EFCAB14: variants seen among roughly 807,000 people sequenced by gnomAD.
The protein encoded by EFCAB14 is EF-hand calcium binding domain 14, also known as EF-hand calcium-binding domain-containing protein 14.
A neutral mutation model predicts 56.5 loss-of-function variants in EFCAB14; 43 were observed. The ratio of observed to expected loss-of-function variants is 0.76; its 90% CI spans 0.60 to 0.98. The LOEUF (loss-of-function observed/expected upper bound fraction) is 0.98, where lower values mean the gene tolerates loss of function less well. EFCAB14 is among the 50% of genes least tolerant of loss of function. EFCAB14 has a pLI of 0.00. For missense variants in EFCAB14, 538 were observed against 580.3 expected (o/e 0.93, Z 0.75); for synonymous variants, 235 against 212.9 (o/e 1.10, Z -0.90).
chr1:46,708,768 GTATGA>G (rs1351437828), intron 2 of EFCAB14, among the ~76,000 whole-genome samples: 1 of 152,186 alleles, frequency 6.6e-6, no homozygotes, highest in Non-Finnish European at 1.5e-5. Context: ...GTGAAGTATA[GTATGA>G]TATTTGGCCT....
At chr1:46,711,093 A>C (rs1022331472) in intron 2 of EFCAB14, among the ~76,000 whole-genome samples, 9 of 152,218 alleles carry the variant, frequency 5.9e-5, no homozygotes, top group Non-Finnish European at 1.3e-4. Context: ...TAATGCTATA[A>C]TAAACATGGG....
Position 46,716,429 on chromosome 1 carries a change from C to G in EFCAB14, c.200G>C (p.Arg67Pro). The G allele has an allele frequency of 1.2e-6, 2 of 1,613,972 alleles. No individual in the cohort carries two copies. Among genetic ancestry groups the G allele is most frequent in the Non-Finnish European group, 1.7e-6 (2 of 1,179,984 alleles). The change falls in exon 2 of 11, where the codon CGA becomes CCA. Residue 67 changes from arginine (R) to proline (P), a missense_variant. By Grantham distance (103) the Arg-to-Pro change is moderately radical. Coordinates refer to ENST00000371933, the MANE Select transcript of EFCAB14 (RefSeq NM_014774.3). Reference sequence around the variant, plus strand: ...GAGCGGATAACAGATCTTGCAGCATCGTAAATAGTCTCCCCTGCTCAAGAG... The same window carrying G: ...GAGCGGATAACAGATCTTGCAGCATGGTAAATAGTCTCCCCTGCTCAAGAG... ...RSRFAKGDYL[R>P]CCKICYPLCG...
Position 46,675,739 on chromosome 1 carries a change from C to T in EFCAB14, c.*2722G>A, listed in dbSNP as rs2148834141. 6.6e-6 allele frequency: 1 copy of T among 152,290 alleles called. No individual in the cohort carries two copies. The highest frequency in any genetic ancestry group is 2.1e-4 in the South Asian group (1 of 4,828). The allele number at this position is 152,290 out of a possible 1,614,324, so 9.4% of individuals were successfully genotyped here. ...GGCACCTCTGCCTTTTAGATGACAC[C>T]ACAGTCATCTAGAAGTCAGGTTTTC... On this transcript the variant is annotated 3_prime_UTR_variant, in exon 11 of 11. Transcript: ENST00000371933.
intron 2 of EFCAB14, 69 bp from the exon 3 acceptor site, chr1:46,708,120 C>A: frequency 7.1e-7 from 1 of 1,413,658 alleles, no homozygotes; most frequent in Non-Finnish European, 9.5e-7. Flanking sequence ...ATGAAAAAAT[C>A]ATCAAACAGT....
intron 2 of EFCAB14, among the ~76,000 whole-genome samples, chr1:46,714,709 G>C (rs547727073): frequency 3.0e-4 from 45 of 151,770 alleles, no homozygotes; most frequent in Non-Finnish European, 5.2e-4. Context: ...TGCTGACACG[G>C]GAAGACTGCT....
At chr1:46,685,908 T>C (rs1361604178) in intron 8 of EFCAB14, among the ~76,000 whole-genome samples, 1 of 152,220 alleles carries the variant, frequency 6.6e-6, no homozygotes, top group African/African-American at 2.4e-5. Flanking sequence ...CCTTAATATA[T>C]TGTGACTTTA....
At chr1:46,694,918 G>A (rs1677056379) in intron 4 of EFCAB14, among the ~76,000 whole-genome samples, 1 of 152,152 alleles carries the variant, frequency 6.6e-6, no homozygotes, top group African/African-American at 2.4e-5. Context: ...ATGAGTTCAT[G>A]TTCTTTGTAG....
chr1:46,688,281 A>C, intron 7 of EFCAB14, 72 bp downstream of exon 7: 1 of 1,454,252 alleles, frequency 6.9e-7, no homozygotes, highest in South Asian at 1.3e-5. Context: ...GGCTGTTCTC[A>C]AAAGGTGGTA....
In EFCAB14 at chr1:46,688,338, T is replaced by A. The variant is rs772640822; in HGVS notation, c.987+15A>T. On this transcript the variant is annotated intron_variant, in intron 7 of 10. Coordinates refer to ENST00000371933, the MANE Select transcript of EFCAB14 (RefSeq NM_014774.3). Reference sequence around the variant, plus strand: ...AAAACACACTGCATGTCACAAAAGATCAGAAAAGGCTTACCATGCTGAAGG... The same window carrying A: ...AAAACACACTGCATGTCACAAAAGAACAGAAAAGGCTTACCATGCTGAAGG... 1 of 1,610,508 alleles carries A rather than the reference T, an allele frequency of 6.2e-7. No homozygotes were observed. Among genetic ancestry groups the A allele is most frequent in the Non-Finnish European group, 8.5e-7 (1 of 1,177,694 alleles).
chr1:46,700,916 G>A (rs1247013801), intron 3 of EFCAB14, among the ~76,000 whole-genome samples: 5 of 151,804 alleles, frequency 3.3e-5, no homozygotes, highest in Non-Finnish European at 7.4e-5. Flanking sequence ...AGAACTAGGA[G>A]GATGAAGCCC....
chr1:46,679,769 C>T (rs1676762525), intron 10 of EFCAB14, among the ~76,000 whole-genome samples: 2 of 151,720 alleles, frequency 1.3e-5, no homozygotes, highest in African/African-American at 4.8e-5. Context: ...TATCACCAGG[C>T]CTGGCTAATT....
intron 4 of EFCAB14, among the ~76,000 whole-genome samples, chr1:46,696,042 C>T (rs945092182): frequency 4.0e-5 from 6 of 151,796 alleles, no homozygotes; most frequent in South Asian, 2.1e-4. Flanking sequence ...AAATTTCCTT[C>T]GTTCCACATA....
In EFCAB14 at chr1:46,688,488, G is replaced by T. The variant is rs1297022162; in HGVS notation, c.852C>A (p.Tyr284Ter). 1 of 1,613,862 alleles carries T rather than the reference G, an allele frequency of 6.2e-7. No individual in the cohort carries two copies. The highest frequency in any genetic ancestry group is 8.5e-7 in the Non-Finnish European group (1 of 1,179,862). ...LEEVNSALVG[Y>*]QRQNDLKLEG... ...CGAGTTTAAGATCATTCTGTCTCTG[G>T]TACCCCACTAGGGCACTGTTTACCT... Residue 284 changes from tyrosine to a stop codon, truncating the protein, a stop_gained, in exon 7 of 11, where the codon TAC becomes TAA. Transcript: ENST00000371933. LOFTEE classifies it high-confidence loss of function.
In EFCAB14 at chr1:46,679,599, G is replaced by GTTTTTTTTTTTTTT. The variant is rs60875639; in HGVS notation, c.1313-977_1313-964dup. On this transcript the variant is annotated intron_variant, in intron 10 of 10. Transcript: ENST00000371933. Reference sequence around the variant, plus strand: ...ATTATAGGCGTGAACCACCACGCCTGTTTTTTTTTTTTTTTTTTTTTTTTT... The same window carrying GTTTTTTTTTTTTTT: ...ATTATAGGCGTGAACCACCACGCCTGTTTTTTTTTTTTTTTTTTTTTTTTTTTTTTTTTTTTTTT... Among the ~76,000 whole-genome samples, 6 of 36,522 alleles carry GTTTTTTTTTTTTTT rather than the reference G, an allele frequency of 1.6e-4. 2 individuals are homozygous for GTTTTTTTTTTTTTT. The highest frequency in any genetic ancestry group is 2.4e-4 in the Non-Finnish European group (5 of 20,686). 24.0% of individuals were successfully genotyped at this position (36,522 alleles called of 152,430 possible).
At chr1:46,712,211 C>T (rs1369007775) in intron 2 of EFCAB14, among the ~76,000 whole-genome samples, 1 of 152,202 alleles carries the variant, frequency 6.6e-6, no homozygotes, top group African/African-American at 2.4e-5. Flanking sequence ...TAGCACAAGA[C>T]CATCTTTAAC....
chr1:46,706,096 G>A (rs1456739964), intron 3 of EFCAB14, among the ~76,000 whole-genome samples: 1 of 152,056 alleles, frequency 6.6e-6, no homozygotes, highest in East Asian at 1.9e-4. Context: ...GGAACTCCTT[G>A]GATCAAGTGA....
At chr1:46,698,037 A>G (rs938895202) in intron 3 of EFCAB14, among the ~76,000 whole-genome samples, 7 of 151,944 alleles carry the variant, frequency 4.6e-5, no homozygotes, top group African/African-American at 1.7e-4. Flanking sequence ...TTTTTAGTAA[A>G]GATAGGGGTT....
In EFCAB14 at chr1:46,700,771, C is replaced by T. The variant is rs545397581; in HGVS notation, c.481-4122G>A. On this transcript the variant is annotated intron_variant, in intron 3 of 10. Coordinates refer to ENST00000371933, the MANE Select transcript of EFCAB14 (RefSeq NM_014774.3). ...CTAGAAACAATTTAAATGTATATCA[C>T]TAAGAATGTGCATATATTCAGTGGA... Among the ~76,000 whole-genome samples, 4 of 152,192 alleles carry T rather than the reference C, an allele frequency of 2.6e-5. No individual in the cohort carries two copies. The East Asian group carries it at 7.7e-4, about 29-fold the overall frequency.
At chr1:46,687,702 T>C (rs1676908254) in intron 7 of EFCAB14, among the ~76,000 whole-genome samples, 1 of 152,210 alleles carries the variant, frequency 6.6e-6, no homozygotes, top group African/African-American at 2.4e-5. Flanking sequence ...CTGCACAAAG[T>C]TTATGTGAAA....
Sources: allele counts gnomAD v4.1 joint callset (sites outside exome capture counted in the v4.1 genomes callset), GRCh38; gene constraint gnomAD v4.1.1; transcripts MANE v1.5; gene names NCBI Gene and HGNC (gene_info 2026-07-23, HGNC 2026-07-21).